The following UBE2E2 variants were observed in gnomAD, a reference collection of about 807,000 sequenced individuals.
UBE2E2 encodes the protein ubiquitin-conjugating enzyme E2 E2.
In UBE2E2, 6 loss-of-function variants were observed where a neutral mutation model predicts 24.7. The ratio of observed to expected loss-of-function variants is 0.24; its 90% CI spans 0.13 to 0.48. The LOEUF is 0.48. Among genes scored for constraint, UBE2E2 ranks in the 20% least tolerant of loss-of-function variants. UBE2E2 has a pLI of 0.99. For missense variants in UBE2E2, 169 were observed against 245.0 expected (o/e 0.69, Z 2.07); for synonymous variants, 104 against 83.6 (o/e 1.24, Z -1.33).
chr3:23,262,976 C>G (rs538836654), intron 3 of UBE2E2, among the ~76,000 whole-genome samples: 1 of 152,214 alleles, frequency 6.6e-6, no homozygotes, highest in South Asian at 2.1e-4. Context: ...ATTTTGCCAG[C>G]TTGTTTTTCT....
chr3:23,497,983 T>G (rs1461760475), intron 3 of UBE2E2, among the ~76,000 whole-genome samples: 1 of 152,240 alleles, frequency 6.6e-6, no homozygotes, highest in East Asian at 1.9e-4. Context: ...TGCATTTGCA[T>G]TTTGTAAAAT....
intron 3 of UBE2E2, among the ~76,000 whole-genome samples, chr3:23,447,092 C>A (rs1442809339): frequency 2.6e-5 from 4 of 152,162 alleles, no homozygotes; most frequent in Non-Finnish European, 5.9e-5. Context: ...CCATATGTTA[C>A]TAAATGATGT....
chr3:23,410,343 G>C (rs1169015875), intron 3 of UBE2E2, among the ~76,000 whole-genome samples: 2 of 151,992 alleles, frequency 1.3e-5, no homozygotes, highest in African/African-American at 4.8e-5. Context: ...ATCTTTTCTT[G>C]ATTTTCCTCT....
At chr3:23,440,403 C>T (rs1157353172) in intron 3 of UBE2E2, among the ~76,000 whole-genome samples, 2 of 152,006 alleles carry the variant, frequency 1.3e-5, no homozygotes, top group African/African-American at 2.4e-5. Context: ...CCATTGTACC[C>T]GGCTATCTTA....
At chr3:23,300,654 C>T (rs907228054) in intron 3 of UBE2E2, among the ~76,000 whole-genome samples, 1 of 152,226 alleles carries the variant, frequency 6.6e-6, no homozygotes, top group Non-Finnish European at 1.5e-5. Context: ...GAGAGATCAG[C>T]TGTTAGTCTG....
chr3:23,294,222 G>A (rs1480450822), intron 3 of UBE2E2, among the ~76,000 whole-genome samples: 1 of 152,080 alleles, frequency 6.6e-6, no homozygotes, highest in Non-Finnish European at 1.5e-5. Context: ...GAACTTTAAC[G>A]TTATTCATAA....
At position 23,578,655 on chromosome 3, in the gene UBE2E2, A is replaced by G. The variant is rs796860369; in HGVS notation, c.509-11079A>G. 1.1e-4 allele frequency among the ~76,000 whole-genome samples: 16 copies of G among 152,324 alleles called. 1 individual carries two copies. The highest frequency in any genetic ancestry group is 3.6e-4 in the African/African-American group (15 of 41,570). On this transcript the variant is annotated intron_variant, in intron 5 of 5. Transcript: ENST00000396703. ...GACATGGATGGTGTTGGAAGCCATTATCCTCAGCAAACTAGCACAGAAACA... is the reference window on the plus strand; with the variant it reads ...GACATGGATGGTGTTGGAAGCCATTGTCCTCAGCAAACTAGCACAGAAACA...
intron 5 of UBE2E2, among the ~76,000 whole-genome samples, chr3:23,564,596 A>T (rs980170106): frequency 6.6e-6 from 1 of 152,164 alleles, no homozygotes; most frequent in African/African-American, 2.4e-5. Context: ...TTAAAAGGAA[A>T]TTCCTTGAAT....
chr3:23,316,756 A>G (rs909258006), intron 3 of UBE2E2, among the ~76,000 whole-genome samples: 1 of 152,082 alleles, frequency 6.6e-6, no homozygotes, highest in Admixed American at 6.6e-5. Flanking sequence ...GGCCCACGGC[A>G]TGTACTACCT....
intron 3 of UBE2E2, among the ~76,000 whole-genome samples, chr3:23,294,927 C>G (rs558159919): frequency 6.6e-6 from 1 of 152,098 alleles, no homozygotes; most frequent in East Asian, 1.9e-4. Flanking sequence ...GCCAATCATT[C>G]TGCCTAATAC....
rs998242040 is a variant in UBE2E2 at position 23,461,020 on chromosome 3, G to A, written c.228-38588G>A. 3.9e-5 allele frequency among the ~76,000 whole-genome samples: 6 copies of A among 152,286 alleles called. 1 individual carries two copies. The highest frequency in any genetic ancestry group is 4.2e-4 in the South Asian group (2 of 4,818). The stretch of plus-strand genomic sequence containing the variant: ...AGATAAGGAAACAGACTTCACACTA[G>A]TGATTGGTAGAATGGGAGAACCCCA... On this transcript the variant is annotated intron_variant, in intron 3 of 5. Coordinates refer to ENST00000396703, the MANE Select transcript of UBE2E2 (RefSeq NM_152653.4).
intron 3 of UBE2E2, among the ~76,000 whole-genome samples, chr3:23,380,654 T>C (rs1696646379): frequency 6.6e-6 from 1 of 152,208 alleles, no homozygotes; most frequent in African/African-American, 2.4e-5. Flanking sequence ...GTCCTGTTTT[T>C]ACCTTTCGTG....
In UBE2E2 at chr3:23,485,546, C is replaced by CA. The variant is rs542775367; in HGVS notation, c.228-14052dup. Among the ~76,000 whole-genome samples the CA allele has an allele frequency of 2.2e-3, 331 of 147,560 alleles. 1 individual carries two copies. Among genetic ancestry groups the CA allele is most frequent in the African/African-American group, 7.1e-3 (288 of 40,298 alleles). Reference sequence around the variant, plus strand: ...CTATTAAAACAAAAACAAAAACAAACAAAAAAAAAACCTCTCTTGTTTTTG... The same window carrying CA: ...CTATTAAAACAAAAACAAAAACAAACAAAAAAAAAAACCTCTCTTGTTTTTG... On this transcript the variant is annotated intron_variant, in intron 3 of 5. Coordinates refer to ENST00000396703, the MANE Select transcript of UBE2E2 (RefSeq NM_152653.4).
intron 3 of UBE2E2, among the ~76,000 whole-genome samples, chr3:23,277,470 A>G (rs1267990358): frequency 1.3e-5 from 2 of 152,126 alleles, no homozygotes; most frequent in Non-Finnish European, 2.9e-5. Flanking sequence ...CTCATAGACT[A>G]TCTAACTCTA....
intron 5 of UBE2E2, among the ~76,000 whole-genome samples, chr3:23,547,630 G>T (rs1282946380): frequency 6.6e-6 from 1 of 152,180 alleles, no homozygotes; most frequent in Non-Finnish European, 1.5e-5. Flanking sequence ...TTTACTTTAT[G>T]CAAATTAAAC....
chr3:23,455,811 G>C (rs185802474), intron 3 of UBE2E2, among the ~76,000 whole-genome samples: 9 of 152,318 alleles, frequency 5.9e-5, no homozygotes, highest in Admixed American at 2.6e-4. Flanking sequence ...GCTGCTCACT[G>C]ATCAAGGTGG....
At chr3:23,520,451 A>G (rs190872398) in intron 4 of UBE2E2, among the ~76,000 whole-genome samples, 204 of 152,330 alleles carry the variant, frequency 1.3e-3, no homozygotes, top group African/African-American at 4.6e-3. Context: ...AACATAGGGG[A>G]AAAATATGAT....
chr3:23,449,800 C>A, intron 3 of UBE2E2: 1 of 918,694 alleles, frequency 1.1e-6, no homozygotes, highest in Non-Finnish European at 1.3e-6. Flanking sequence ...TTTAATATCT[C>A]AACGGGGAAA....
intron 4 of UBE2E2, among the ~76,000 whole-genome samples, chr3:23,516,316 G>C (rs1480580909): frequency 6.6e-6 from 1 of 151,994 alleles, no homozygotes; most frequent in Non-Finnish European, 1.5e-5. Context: ...CATAAAACTT[G>C]AGTTTGTGAG....
Sources: gnomAD v4.1 joint callset for allele counts (sites outside exome capture counted in the v4.1 genomes callset) on GRCh38, gnomAD v4.1.1 for gene constraint, MANE v1.5 for transcripts, NCBI Gene and HGNC (gene_info 2026-07-23, HGNC 2026-07-21) for gene names.